Variants in MGAT4C observed in about 807,000 individuals in gnomAD.
MGAT4C encodes the protein alpha-1,3-mannosyl-glycoprotein 4-beta-N-acetylglucosaminyltransferase C.
MGAT4C carries 19 observed loss-of-function variants against 40.1 expected under a neutral mutation model. The ratio of observed to expected loss-of-function variants is 0.47; its 90% confidence interval spans 0.33 to 0.70. The LOEUF (loss-of-function observed/expected upper bound fraction) is 0.70. MGAT4C is among the 30% of genes least tolerant of loss of function. The probability of loss-of-function intolerance (pLI) is 0.02; values close to 1 mark genes in which losing one functional copy is unlikely to be tolerated. For missense variants in MGAT4C, 491 were observed against 563.2 expected, an observed-to-expected ratio of 0.87 and a Z score of 1.30; for synonymous variants, 181 against 187.1, an observed-to-expected ratio of 0.97 and a Z score of 0.27.
intron 1 of MGAT4C, among the ~76,000 whole-genome samples, chr12:86,143,488 A>G (rs998635183): frequency 6.6e-6 from 1 of 152,174 alleles, no homozygotes; most frequent in African/African-American, 2.4e-5. Context: ...AGAGGTGTAG[A>G]TAGCTTGTTA....
intron 3 of MGAT4C, among the ~76,000 whole-genome samples, chr12:86,361,938 A>G (rs1326358081): frequency 2.0e-5 from 3 of 152,216 alleles, no homozygotes; most frequent in Non-Finnish European, 4.4e-5. Context: ...CAATTCCTCA[A>G]GGATCTAGAA....
chr12:86,010,167 A>T (rs1209459846), intron 2 of MGAT4C, among the ~76,000 whole-genome samples: 2 of 152,230 alleles, frequency 1.3e-5, no homozygotes, highest in Non-Finnish European at 2.9e-5. Context: ...CTAAGTTTGT[A>T]TATCTACACC....
At chr12:86,692,826 T>A (rs1351955630) in intron 2 of MGAT4C, among the ~76,000 whole-genome samples, 1 of 152,142 alleles carries the variant, frequency 6.6e-6, no homozygotes, top group African/African-American at 2.4e-5. Flanking sequence ...GCTGGATTGG[T>A]TGTCTACCTG....
chr12:86,665,109 GA>G (rs1369137819), intron 2 of MGAT4C, among the ~76,000 whole-genome samples: 2 of 150,948 alleles, frequency 1.3e-5, no homozygotes, highest in African/African-American at 4.9e-5. Flanking sequence ...ATTAAAATTA[GA>G]CAAACTGTCT....
intron 4 of MGAT4C, among the ~76,000 whole-genome samples, chr12:86,281,925 T>C (rs1005590058): frequency 2.0e-5 from 3 of 152,154 alleles, no homozygotes; most frequent in African/African-American, 7.2e-5. Context: ...CTTCATTTTA[T>C]TGTTGCTTTT....
At chr12:86,826,664 G>T (rs888592549) in intron 1 of MGAT4C, among the ~76,000 whole-genome samples, 7 of 151,204 alleles carry the variant, frequency 4.6e-5, no homozygotes, top group African/African-American at 1.5e-4. Flanking sequence ...TGGTTCGTTG[G>T]GGGTAGGCAT....
intron 1 of MGAT4C, among the ~76,000 whole-genome samples, chr12:86,238,210 C>A (rs75528139): frequency 0.047 from 7,131 of 151,992 alleles, 204 homozygotes; most frequent in African/African-American, 0.077. Flanking sequence ...AGACAAAGCT[C>A]ATCTTCTGTC....
intron 2 of MGAT4C, among the ~76,000 whole-genome samples, chr12:86,657,212 T>C (rs1350304168): frequency 6.6e-6 from 1 of 151,972 alleles, no homozygotes; most frequent in African/African-American, 2.4e-5. Context: ...TGGAAAAGTC[T>C]AAAAGGAATC....
At chr12:86,527,185 C>T (rs1958899386) in intron 2 of MGAT4C, among the ~76,000 whole-genome samples, 1 of 152,182 alleles carries the variant, frequency 6.6e-6, no homozygotes, top group South Asian at 2.1e-4. Context: ...GATTTTTGTA[C>T]ATAATGAGAG....
intron 3 of MGAT4C, among the ~76,000 whole-genome samples, chr12:86,405,855 G>T (rs1956455775): frequency 6.7e-6 from 1 of 148,204 alleles, no homozygotes; most frequent in African/African-American, 2.5e-5. Flanking sequence ...AATTCAGTGA[G>T]GGAAAGACTG....
chr12:86,394,483 T>C (rs1192434503), intron 3 of MGAT4C, among the ~76,000 whole-genome samples: 3 of 141,148 alleles, frequency 2.1e-5, no homozygotes, highest in Admixed American at 7.3e-5. Context: ...CTTTTTTATA[T>C]ATATACTTTA....
intron 2 of MGAT4C, among the ~76,000 whole-genome samples, chr12:86,536,877 CA>C (rs945795986): frequency 5.8e-4 from 89 of 152,240 alleles, no homozygotes; most frequent in African/African-American, 2.0e-3. Flanking sequence ...GGTATATACC[CA>C]AAGGATTATA....
At chr12:86,562,526 T>A (rs1201708911) in intron 2 of MGAT4C, among the ~76,000 whole-genome samples, 1 of 152,062 alleles carries the variant, frequency 6.6e-6, no homozygotes, top group Non-Finnish European at 1.5e-5. Context: ...CCTTTACACC[T>A]TTGTCTGAGG....
intron 3 of MGAT4C, among the ~76,000 whole-genome samples, chr12:86,339,510 T>C (rs1954863608): frequency 6.6e-6 from 1 of 152,202 alleles, no homozygotes. Context: ...ATACATGTTT[T>C]TCCTTGATTA....
intron 1 of MGAT4C, among the ~76,000 whole-genome samples, chr12:86,175,727 G>A (rs922571929): frequency 2.5e-4 from 38 of 150,418 alleles, no homozygotes; most frequent in African/African-American, 8.6e-4. Flanking sequence ...CGAGGCGGGC[G>A]GATCACGAGG....
chr12:86,588,824 G>C (rs957069919), intron 2 of MGAT4C, among the ~76,000 whole-genome samples: 1 of 151,694 alleles, frequency 6.6e-6, no homozygotes, highest in Non-Finnish European at 1.5e-5. Flanking sequence ...ACGAAATGAA[G>C]GCAGAAATAA....
chr12:86,474,172 C>A (rs930619465), intron 2 of MGAT4C, among the ~76,000 whole-genome samples: 6 of 151,560 alleles, frequency 4.0e-5, no homozygotes, highest in Non-Finnish European at 8.8e-5. Context: ...ACATATACAC[C>A]ATGGAATACT....
At chr12:86,299,264 A>C (rs1211551107) in intron 4 of MGAT4C, among the ~76,000 whole-genome samples, 2 of 152,204 alleles carry the variant, frequency 1.3e-5, no homozygotes, top group African/African-American at 2.4e-5. Flanking sequence ...CTACAAGCGC[A>C]TGCCACCAGG....
At chr12:86,137,038 A>G (rs1416943740) in intron 1 of MGAT4C, among the ~76,000 whole-genome samples, 1 of 152,180 alleles carries the variant, frequency 6.6e-6, no homozygotes, top group Non-Finnish European at 1.5e-5. Context: ...GCGAAATCCT[A>G]TCTGGTGTCC....
Sources: allele counts gnomAD v4.1 joint callset (sites outside exome capture counted in the v4.1 genomes callset), GRCh38; gene constraint gnomAD v4.1.1; transcripts MANE v1.5; gene names NCBI Gene and HGNC (gene_info 2026-07-23, HGNC 2026-07-21).